Variants in PRDM10 observed in about 807,000 individuals in gnomAD.
The protein encoded by PRDM10 is PR domain zinc finger protein 10.
Under a neutral mutation model 133.1 loss-of-function variants are expected in PRDM10, and 65 were observed. That is an observed-to-expected ratio of 0.49 (90% confidence interval 0.40 to 0.60). The LOEUF (loss-of-function observed/expected upper bound fraction) is 0.60. Ranked by LOEUF, PRDM10 falls within the 20% of genes least tolerant of loss-of-function variation. PRDM10 has a pLI of 0.00. For synonymous variants in PRDM10, 582 were observed against 580.4 expected, an observed-to-expected ratio of 1.00 and a Z score of -0.04; for missense variants, 1,137 against 1,507.1, an observed-to-expected ratio of 0.75 and a Z score of 4.07.
At chr11:129,976,792 G>C (rs749885714) in intron 1 of PRDM10, among the ~76,000 whole-genome samples, 1 of 152,146 alleles carries the variant, frequency 6.6e-6, no homozygotes, top group African/African-American at 2.4e-5. Flanking sequence ...ATGGTGAATA[G>C]AAACTGGCAG....
chr11:129,982,388 A>C (rs985376645), intron 1 of PRDM10, among the ~76,000 whole-genome samples: 1 of 151,902 alleles, frequency 6.6e-6, no homozygotes, highest in Non-Finnish European at 1.5e-5. Flanking sequence ...TCAGCCTCCC[A>C]AGTAGCTGGG....
intron 1 of PRDM10, among the ~76,000 whole-genome samples, chr11:130,001,492 G>A (rs1026617745): frequency 6.6e-6 from 1 of 152,138 alleles, no homozygotes; most frequent in Non-Finnish European, 1.5e-5. Context: ...AGCAGAATTA[G>A]GGCACAGGGC....
intron 8 of PRDM10, among the ~76,000 whole-genome samples, chr11:129,936,638 G>GC: frequency 6.6e-6 from 1 of 151,402 alleles, no homozygotes; most frequent in South Asian, 2.1e-4. Context: ...CGGTGACAGA[G>GC]CAAGACTCCA....
At chr11:129,960,477 G>A (rs1356098999) in intron 2 of PRDM10, among the ~76,000 whole-genome samples, 1 of 152,142 alleles carries the variant, frequency 6.6e-6, no homozygotes, top group Non-Finnish European at 1.5e-5. Context: ...CTTTGACTTA[G>A]AGGTTTACAT....
In PRDM10 at chr11:129,942,521, G is replaced by T. The variant is rs757405191; in HGVS notation, c.871C>A (p.Gln291Lys). 1.2e-6 allele frequency: 2 copies of T among 1,614,018 alleles called. No homozygotes were observed. The highest frequency in any genetic ancestry group is 1.7e-6 in the Non-Finnish European group (2 of 1,180,002). The change falls in exon 7 of 21, where the codon CAG becomes AAG. Residue 291 changes from glutamine to lysine, a missense_variant. By Grantham distance (53) the Gln-to-Lys change is moderately conservative. This residue lies in a region of PRDM10 where 635 missense variants were observed against 835.2 expected (regional missense o/e 0.76). Coordinates refer to ENST00000360871, the MANE Select transcript of PRDM10 (RefSeq NM_199437.2). ...CNWMMFVRPAQNHLEQNLVAY... is the reference protein window; with the variant it reads ...CNWMMFVRPAKNHLEQNLVAY... ...ACCAGGTTCTGCTCCAGGTGATTCTGGGCTGGCCGTACAAACATCATCCAG... is the reference window on the plus strand; with the variant it reads ...ACCAGGTTCTGCTCCAGGTGATTCTTGGCTGGCCGTACAAACATCATCCAG...
At chr11:129,984,008 G>A (rs557321088) in intron 1 of PRDM10, among the ~76,000 whole-genome samples, 16 of 152,200 alleles carry the variant, frequency 1.1e-4, no homozygotes, top group African/African-American at 3.4e-4. Flanking sequence ...TGGCTCCCAC[G>A]CCCATTCTGC....
intron 1 of PRDM10, among the ~76,000 whole-genome samples, chr11:130,001,421 A>T (rs1939367646): frequency 6.6e-6 from 1 of 152,188 alleles, no homozygotes; most frequent in Admixed American, 6.5e-5. Flanking sequence ...ATAAAGGTTA[A>T]GTACTGCTAA....
intron 1 of PRDM10, among the ~76,000 whole-genome samples, chr11:129,981,393 C>T (rs1938103489): frequency 6.6e-6 from 1 of 152,134 alleles, no homozygotes; most frequent in Non-Finnish European, 1.5e-5. Context: ...ACTGATCTAT[C>T]ATATATAAAC....
intron 1 of PRDM10, among the ~76,000 whole-genome samples, chr11:129,999,890 C>T (rs941458615): frequency 6.6e-6 from 1 of 152,086 alleles, no homozygotes; most frequent in Non-Finnish European, 1.5e-5. Context: ...CACCTATTTA[C>T]GTCTTGTTTT....
At chr11:129,949,571 A>G (rs73016902) in intron 4 of PRDM10, among the ~76,000 whole-genome samples, 15,826 of 152,260 alleles carry the variant, frequency 0.1, 1,051 homozygotes, top group Admixed American at 0.17. Flanking sequence ...AAGTCTTTGC[A>G]GTACTCACAG....
At chr11:129,959,887 C>T (rs1310956609) in intron 2 of PRDM10, among the ~76,000 whole-genome samples, 1 of 151,558 alleles carries the variant, frequency 6.6e-6, no homozygotes, top group Non-Finnish European at 1.5e-5. Context: ...CATGACCGCA[C>T]CACTATAGGC....
intron 11 of PRDM10, among the ~76,000 whole-genome samples, chr11:129,927,176 CAAAAAAAAAAAAAAAAAAAAAAAAAAA>C (rs57015735): frequency 1.3e-5 from 1 of 79,370 alleles, no homozygotes; most frequent in African/African-American, 4.3e-5. Flanking sequence ...GACTCTGTCT[CAAAAAAAAAAAAAAAAAAAAAAAAAAA>C]AAAAAAAAAA....
chr11:129,991,100 T>C (rs2135993306), intron 1 of PRDM10, among the ~76,000 whole-genome samples: 1 of 152,328 alleles, frequency 6.6e-6, no homozygotes, highest in Admixed American at 6.5e-5. Context: ...GGCTCACTGC[T>C]AACATAAAGT....
chr11:129,946,909 C>T (rs925054298), intron 5 of PRDM10, among the ~76,000 whole-genome samples: 1 of 152,126 alleles, frequency 6.6e-6, no homozygotes, highest in South Asian at 2.1e-4. Flanking sequence ...TGACCCCCAG[C>T]GAGCTTCCCA....
intron 20 of PRDM10, 138 bp downstream of exon 20, chr11:129,905,500 A>C (rs1443462562): frequency 1.4e-6 from 1 of 712,240 alleles, no homozygotes; most frequent in African/African-American, 1.8e-5. Flanking sequence ...ATAATGCCCA[A>C]GACCTAGCTT....
rs1211280265 is a variant in PRDM10 at position 129,937,653 on chromosome 11, G to T, written c.984C>A (p.Ser328=). 4.3e-6 allele frequency: 7 copies of T among 1,613,470 alleles called. No individual in the cohort carries two copies. Among genetic ancestry groups the T allele is most frequent in the Non-Finnish European group, 5.9e-6 (7 of 1,179,894 alleles). The change falls in exon 8 of 21, where the codon TCC becomes TCA. Residue 328 remains serine (S), a synonymous_variant. Coordinates refer to ENST00000360871, the MANE Select transcript of PRDM10 (RefSeq NM_199437.2). The part of the protein sequence containing the change: ...KQELKVWYAA[S]YAEFVNQKIH... ...TTTTCTGGTTCACGAACTCAGCATA[G>T]GATGCGGCATACCACACCTGCAAGA... is the stretch of plus-strand genomic sequence containing the variant.
intron 13 of PRDM10, among the ~76,000 whole-genome samples, chr11:129,919,311 G>C (rs1950452644): frequency 6.6e-6 from 1 of 152,210 alleles, no homozygotes; most frequent in African/African-American, 2.4e-5. Context: ...AGGCTGCACT[G>C]AGTTGAGATC....
chr11:129,971,760 G>C (rs974027155), intron 1 of PRDM10, among the ~76,000 whole-genome samples: 3 of 152,264 alleles, frequency 2.0e-5, no homozygotes, highest in Admixed American at 2.0e-4. Context: ...CAGGAGCCCA[G>C]CTGGCTTCAC....
chr11:129,930,315 C>T (rs1238721678), intron 11 of PRDM10, among the ~76,000 whole-genome samples: 2 of 152,212 alleles, frequency 1.3e-5, no homozygotes, highest in African/African-American at 4.8e-5. Context: ...ACTTATCCCA[C>T]AAAGCCATAT....
Sources: allele counts gnomAD v4.1 joint callset (sites outside exome capture counted in the v4.1 genomes callset), GRCh38; gene constraint gnomAD v4.1.1; regional missense constraint gnomAD v4.1.1; transcripts MANE v1.5; gene names NCBI Gene and HGNC (gene_info 2026-07-23, HGNC 2026-07-21).